The following SMARCA2 variants were observed in gnomAD, a reference collection of about 807,000 sequenced individuals.
The protein encoded by SMARCA2 is SWI/SNF related BAF chromatin remodeling complex subunit ATPase 2.
A neutral mutation model predicts 199.8 loss-of-function variants in SMARCA2; 61 were observed. That is an observed-to-expected ratio of 0.31 (90% CI 0.25 to 0.38). SMARCA2 has a LOEUF of 0.38. SMARCA2 is among the 10% of genes least tolerant of loss of function. The pLI, the probability that SMARCA2 is intolerant of heterozygous loss-of-function variation, is 1.00. For synonymous variants in SMARCA2, 935 were observed against 732.0 expected (o/e 1.28, Z -4.48); for missense variants, 1,344 against 2,012.2 (o/e 0.67, Z 6.35).
chr9:2,192,504 GT>G, intron 33 of SMARCA2, 199 bp from the exon 34 acceptor site: 1 of 613,882 alleles, frequency 1.6e-6, no homozygotes. Context: ...TTGCTTTGGG[GT>G]TTTTCAGTAA....
In SMARCA2 at chr9:2,047,445, G is replaced by T; in HGVS notation, c.1007G>T (p.Gly336Val). Residue 336 changes from glycine (G) to valine (V), a missense_variant, in exon 5 of 34, where the codon GGC (glycine) becomes GTC (valine). Physicochemically the swap from Gly to Val is moderately radical, Grantham distance 109. Transcript: ENST00000349721. ...SRISPIQKPQGLDPVEILQER... is the reference protein window; with the variant it reads ...SRISPIQKPQVLDPVEILQER... Reference sequence around the variant, plus strand: ...ATCAGCCCCATCCAGAAACCGCAAGGCCTGGACCCCGTGGAAATTCTGCAA... The same window carrying T: ...ATCAGCCCCATCCAGAAACCGCAAGTCCTGGACCCCGTGGAAATTCTGCAA... The T allele has an allele frequency of 6.4e-7, 1 of 1,564,908 alleles. No homozygotes were observed. Among genetic ancestry groups the T allele is most frequent in the Non-Finnish European group, 8.6e-7 (1 of 1,158,106 alleles).
chr9:2,131,703 G>A (rs1300123080), intron 27 of SMARCA2, among the ~76,000 whole-genome samples: 3 of 152,084 alleles, frequency 2.0e-5, no homozygotes, highest in African/African-American at 4.8e-5. Flanking sequence ...AAATGAGGCC[G>A]GGTGCGGTGG....
At chr9:2,157,327 A>G (rs896232884) in intron 27 of SMARCA2, among the ~76,000 whole-genome samples, 1 of 152,066 alleles carries the variant, frequency 6.6e-6, no homozygotes, top group Non-Finnish European at 1.5e-5. Context: ...AAGTTTGGTG[A>G]TGTGTGAGCT....
At chr9:2,143,121 G>A (rs766380707) in intron 27 of SMARCA2, among the ~76,000 whole-genome samples, 4 of 152,174 alleles carry the variant, frequency 2.6e-5, no homozygotes, top group South Asian at 2.1e-4. Context: ...AGGGAACTGC[G>A]TAGGATGTTA....
chr9:2,136,250 C>T (rs1433544121), intron 27 of SMARCA2, among the ~76,000 whole-genome samples: 3 of 149,002 alleles, frequency 2.0e-5, no homozygotes, highest in Non-Finnish European at 4.4e-5. Flanking sequence ...TGCAGTGGCA[C>T]GATCTTGGCT....
chr9:2,161,747 G>C lies in SMARCA2; in HGVS notation c.4043G>C (p.Arg1348Thr). ...GAAGTACGGCTTAAGAAGCGAAAAAGACGAAGAAATGTGGATAAAGATCCT... is the reference window on the plus strand; with the variant it reads ...GAAGTACGGCTTAAGAAGCGAAAAACACGAAGAAATGTGGATAAAGATCCT... Reference protein sequence around the residue: ...EEEVRLKKRKRRRNVDKDPAK... With the variant: ...EEEVRLKKRKTRRNVDKDPAK... The change falls in exon 28 of 34, where the codon AGA becomes ACA. Residue 1348 changes from arginine (R) to threonine (T), a missense_variant. Physicochemically the swap from Arg to Thr is moderately conservative, Grantham distance 71. Around this residue, in one of 18 missense-constraint regions of SMARCA2, gnomAD observed 16 missense variants for 29.7 expected, o/e 0.54. Coordinates refer to ENST00000349721, the MANE Select transcript of SMARCA2 (RefSeq NM_003070.5). This position sits in a 1 kb window ranked among gnomAD's most constrained non-coding sequence, Gnocchi z 4.7. The C allele has an allele frequency of 6.2e-7, 1 of 1,614,106 alleles. No individual in the cohort carries two copies. Among genetic ancestry groups the C allele is most frequent in the Non-Finnish European group, 8.5e-7 (1 of 1,179,986 alleles).
chr9:2,097,519 A>G (rs1346107627), intron 21 of SMARCA2, 48 bp downstream of exon 21: 3 of 1,073,828 alleles, frequency 2.8e-6, no homozygotes, highest in Non-Finnish European at 4.2e-6. Flanking sequence ...AATCATACTA[A>G]TGCTAGTTAA....
intron 27 of SMARCA2, among the ~76,000 whole-genome samples, chr9:2,143,649 A>G (rs1038441250): frequency 6.6e-5 from 10 of 152,224 alleles, no homozygotes; most frequent in African/African-American, 2.4e-4. Context: ...GGGATGTGAT[A>G]AGGGAAACTG....
At chr9:2,027,658 T>C (rs1480761527) in intron 1 of SMARCA2, 2 of 151,390 alleles carry the variant, frequency 1.3e-5, no homozygotes, top group African/African-American at 4.9e-5. Context: ...TCGCTAGGAG[T>C]GGAAAGAATG....
At chr9:2,042,007 A>T (rs536409907) in intron 4 of SMARCA2, 2 of 152,134 alleles carry the variant, frequency 1.3e-5, no homozygotes, top group Non-Finnish European at 2.9e-5. Context: ...GTTCTTAACC[A>T]CTTTCCCATA....
chr9:2,181,084 A>C (rs1826987560), intron 29 of SMARCA2: 2 of 154,124 alleles, frequency 1.3e-5, no homozygotes, highest in South Asian at 4.1e-4. Context: ...TTTTCACTTG[A>C]GTTTCCAGAG....
intron 32 of SMARCA2, among the ~76,000 whole-genome samples, chr9:2,186,670 C>T (rs1266117950): frequency 3.3e-5 from 5 of 152,072 alleles, no homozygotes; most frequent in East Asian, 3.9e-4. Context: ...GAATTACAGG[C>T]GTGTGCCACC....
intron 32 of SMARCA2, 88 bp from the exon 33 acceptor site, chr9:2,191,178 G>A (rs531592549): frequency 1.9e-5 from 24 of 1,273,120 alleles, no homozygotes; most frequent in Non-Finnish European, 2.7e-5. Flanking sequence ...TGTTTGTGTT[G>A]TCTGTAGGTT....
At chr9:2,140,907 GA>G (rs931480852) in intron 27 of SMARCA2, among the ~76,000 whole-genome samples, 23 of 152,170 alleles carry the variant, frequency 1.5e-4, no homozygotes, top group African/African-American at 5.3e-4. Flanking sequence ...GGTGCCAGAG[GA>G]CTTTTTTTTT....
At chr9:2,083,920 G>C (rs150780337) in intron 16 of SMARCA2, among the ~76,000 whole-genome samples, 166 bp from the exon 17 acceptor site, 1 of 152,170 alleles carries the variant, frequency 6.6e-6, no homozygotes, top group Admixed American at 6.5e-5. Context: ...GGGTCAAGAC[G>C]TGTAATTTAG....
intron 31 of SMARCA2, among the ~76,000 whole-genome samples, chr9:2,184,591 G>T (rs546192040): frequency 6.6e-6 from 1 of 151,944 alleles, no homozygotes; most frequent in African/African-American, 2.4e-5. Flanking sequence ...CTGACCTCGT[G>T]ATCTACCCAC....
At chr9:2,147,390 C>G (rs1449518134) in intron 27 of SMARCA2, among the ~76,000 whole-genome samples, 1 of 152,122 alleles carries the variant, frequency 6.6e-6, no homozygotes, top group East Asian at 1.9e-4. Flanking sequence ...AATAATATGT[C>G]ACTTATATGT....
At chr9:2,144,465 T>TG (rs1458266398) in intron 27 of SMARCA2, among the ~76,000 whole-genome samples, 2 of 152,152 alleles carry the variant, frequency 1.3e-5, no homozygotes, top group Non-Finnish European at 2.9e-5. Flanking sequence ...CACCAGTCTT[T>TG]GGGGTATCAC....
intron 13 of SMARCA2, among the ~76,000 whole-genome samples, chr9:2,076,991 C>A (rs918018710): frequency 2.0e-5 from 3 of 152,138 alleles, no homozygotes; most frequent in African/African-American, 7.2e-5. Context: ...TAATATTTCT[C>A]CCTTTTATTC....
Sources: gnomAD v4.1 joint callset for allele counts (sites outside exome capture counted in the v4.1 genomes callset) on GRCh38, gnomAD v4.1.1 for gene constraint, gnomAD v4.1.1 regional missense constraint, Gnocchi (gnomAD v3.1) non-coding constraint, MANE v1.5 for transcripts, NCBI Gene and HGNC (gene_info 2026-07-23, HGNC 2026-07-21) for gene names.